The following TRAPPC9 variants were observed in gnomAD, a reference collection of about 807,000 sequenced individuals.
TRAPPC9 encodes IKK2 binding protein.
Under a neutral mutation model 124.0 loss-of-function variants are expected in TRAPPC9, and 83 were observed. The observed-to-expected ratio is 0.67, with a 90% CI of 0.56 to 0.80. The LOEUF is 0.80. TRAPPC9 is among the 30% of genes least tolerant of loss of function. The pLI, the probability that TRAPPC9 is intolerant of heterozygous loss-of-function variation, is 0.00. For missense variants in TRAPPC9, 1,302 were observed against 1,508.3 expected (o/e 0.86, Z 2.27); for synonymous variants, 638 against 617.5 (o/e 1.03, Z -0.49).
intron 21 of TRAPPC9, among the ~76,000 whole-genome samples, chr8:139,879,893 G>C (rs1019746649): frequency 6.6e-6 from 1 of 152,174 alleles, no homozygotes; most frequent in Admixed American, 6.5e-5. Context: ...ATAAGTAACT[G>C]CTCAGGGCAC....
chr8:139,786,255 A>G (rs1246668127), intron 21 of TRAPPC9, among the ~76,000 whole-genome samples: 1 of 152,216 alleles, frequency 6.6e-6, no homozygotes, highest in Admixed American at 6.5e-5. Flanking sequence ...AAAAGAGTTG[A>G]TAGACGCCCT....
chr8:140,349,002 A>C (rs2067437756), intron 9 of TRAPPC9, among the ~76,000 whole-genome samples: 1 of 150,170 alleles, frequency 6.7e-6, no homozygotes. Context: ...AAAAGAGGAC[A>C]GGAAATGACT....
intron 20 of TRAPPC9, among the ~76,000 whole-genome samples, chr8:139,902,019 A>G (rs1831050165): frequency 6.6e-6 from 1 of 152,232 alleles, no homozygotes; most frequent in Non-Finnish European, 1.5e-5. Context: ...ATTCTATTAC[A>G]TAAGCTACGC....
At chr8:139,846,541 A>G (rs1827097593) in intron 21 of TRAPPC9, among the ~76,000 whole-genome samples, 1 of 152,214 alleles carries the variant, frequency 6.6e-6, no homozygotes, top group Non-Finnish European at 1.5e-5. Flanking sequence ...GAAGATGGAT[A>G]TTTACAAACA....
At chr8:139,911,423 G>A (rs1212467692) in intron 19 of TRAPPC9, 2 of 152,202 alleles carry the variant, frequency 1.3e-5, no homozygotes, top group East Asian at 3.9e-4. Context: ...AAGAGTAGGC[G>A]TTTTGGGCCG....
chr8:139,787,218 A>G (rs1029650081), intron 21 of TRAPPC9, among the ~76,000 whole-genome samples: 1 of 152,106 alleles, frequency 6.6e-6, no homozygotes, highest in Non-Finnish European at 1.5e-5. Flanking sequence ...GGGAATGGCC[A>G]GTCACTGCTT....
rs182825849 is a variant in TRAPPC9 at position 139,865,552 on chromosome 8, G to A, written c.3055+20327C>T. The stretch of plus-strand genomic sequence containing the variant: ...AAGGTATGTTTGAGACCAGGCCACC[G>A]TTGACCTAGGCCGGGAAGAATGAGT... On this transcript the variant is annotated intron_variant, in intron 21 of 22. Coordinates refer to ENST00000438773, the MANE Select transcript of TRAPPC9 (RefSeq NM_001160372.4). Among the ~76,000 whole-genome samples, 36 of 152,284 alleles carry A rather than the reference G, an allele frequency of 2.4e-4. No individual in the cohort carries two copies. In the East Asian group the frequency reaches 4.3e-3, roughly 18 times the overall value.
intron 17 of TRAPPC9, among the ~76,000 whole-genome samples, chr8:140,054,337 C>A (rs895237813): frequency 6.6e-6 from 1 of 152,002 alleles, no homozygotes; most frequent in Non-Finnish European, 1.5e-5. Context: ...CAAACGAAAT[C>A]AAAAAGGAAA....
intron 19 of TRAPPC9, among the ~76,000 whole-genome samples, chr8:139,918,824 A>T (rs928274133): frequency 4.6e-5 from 7 of 152,194 alleles, no homozygotes; most frequent in African/African-American, 1.7e-4. Flanking sequence ...CTCCCTCTCC[A>T]AACGGCAGAA....
chr8:140,038,431 G>T (rs1023677145), intron 17 of TRAPPC9, among the ~76,000 whole-genome samples: 1 of 152,244 alleles, frequency 6.6e-6, no homozygotes, highest in African/African-American at 2.4e-5. Flanking sequence ...GGGTGGAAAT[G>T]ACAGTATTGT....
chr8:140,194,226 A>T (rs1587895613), intron 17 of TRAPPC9, among the ~76,000 whole-genome samples: 1 of 150,520 alleles, frequency 6.6e-6, no homozygotes, highest in East Asian at 2.0e-4. Flanking sequence ...TGCCTTCCTA[A>T]CTCCTCCTAT....
chr8:139,733,034 G>A (rs1459542149), intron 21 of TRAPPC9, among the ~76,000 whole-genome samples: 1 of 151,998 alleles, frequency 6.6e-6, no homozygotes, highest in Non-Finnish European at 1.5e-5. Flanking sequence ...GAAGCGAGCT[G>A]ATGATCAGGG....
rs146403967 is a variant in TRAPPC9 at position 139,811,277 on chromosome 8, T to C, written c.3055+74602A>G. 1.6e-3 allele frequency among the ~76,000 whole-genome samples: 237 copies of C among 152,308 alleles called. 2 individuals are homozygous for C. The highest frequency in any genetic ancestry group is 6.8e-3 in the Middle Eastern group (2 of 294). On this transcript the variant is annotated intron_variant, in intron 21 of 22. Coordinates refer to ENST00000438773, the MANE Select transcript of TRAPPC9 (RefSeq NM_001160372.4). ...TATTTTCCAGGAAGCAGTATAAGCATTCTAAGAGATAGGAAACAGCAAAGA... is the reference window on the plus strand; with the variant it reads ...TATTTTCCAGGAAGCAGTATAAGCACTCTAAGAGATAGGAAACAGCAAAGA...
At chr8:140,218,080 C>G (rs2063243451) in intron 17 of TRAPPC9, among the ~76,000 whole-genome samples, 1 of 151,912 alleles carries the variant, frequency 6.6e-6, no homozygotes, top group Non-Finnish European at 1.5e-5. Flanking sequence ...TAAAAGCGTG[C>G]CAATAATCTA....
intron 15 of TRAPPC9, among the ~76,000 whole-genome samples, chr8:140,253,924 C>A (rs567599663): frequency 6.6e-6 from 1 of 152,242 alleles, no homozygotes; most frequent in South Asian, 2.1e-4. Context: ...ACAATTACTG[C>A]ACCACAGGGT....
At chr8:140,354,863 A>C (rs1401238307) in intron 9 of TRAPPC9, among the ~76,000 whole-genome samples, 1 of 152,202 alleles carries the variant, frequency 6.6e-6, no homozygotes. Flanking sequence ...GTAATTATTG[A>C]TCGGAGGTTA....
intron 10 of TRAPPC9, among the ~76,000 whole-genome samples, chr8:140,304,094 T>G (rs1053295875): frequency 7.3e-6 from 1 of 136,670 alleles, no homozygotes; most frequent in East Asian, 2.5e-4. Flanking sequence ...CCTGACTTAA[T>G]TTTTTTTTTT....
chr8:140,146,156 C>T (rs1458806630), intron 17 of TRAPPC9, among the ~76,000 whole-genome samples: 1 of 152,196 alleles, frequency 6.6e-6, no homozygotes, highest in Non-Finnish European at 1.5e-5. Flanking sequence ...CAACTTTTTT[C>T]AAGGACAAAG....
At chr8:139,996,338 C>G (rs1044500929) in intron 18 of TRAPPC9, among the ~76,000 whole-genome samples, 5 of 151,824 alleles carry the variant, frequency 3.3e-5, no homozygotes, top group Non-Finnish European at 5.9e-5. Flanking sequence ...CACCCAAAAG[C>G]AGCAGAATAA....
Sources: gnomAD v4.1 joint callset for allele counts (sites outside exome capture counted in the v4.1 genomes callset) on GRCh38, gnomAD v4.1.1 for gene constraint, MANE v1.5 for transcripts, NCBI Gene and HGNC (gene_info 2026-07-23, HGNC 2026-07-21) for gene names.